Variants in HIRA observed in about 807,000 individuals in gnomAD.
HIRA encodes the protein protein HIRA.
Under a neutral mutation model 126.6 loss-of-function variants are expected in HIRA, and 13 were observed. The ratio of observed to expected loss-of-function variants is 0.10; its 90% CI spans 0.07 to 0.16. The LOEUF is 0.16. HIRA is among the 10% of genes least tolerant of loss of function. The probability of loss-of-function intolerance (pLI) is 1.00; values close to 1 mark genes in which losing one functional copy is unlikely to be tolerated. For missense variants in HIRA, 834 were observed against 1,314.4 expected, an observed-to-expected ratio of 0.63 and a Z score of 5.65; for synonymous variants, 511 against 520.0, an observed-to-expected ratio of 0.98 and a Z score of 0.24.
intron 15 of HIRA, among the ~76,000 whole-genome samples, 165 bp downstream of exon 15, chr22:19,375,466 C>T (rs547463892): frequency 1.3e-5 from 2 of 152,218 alleles, no homozygotes; most frequent in South Asian, 4.1e-4. Context: ...ACCTCTTTCT[C>T]CTGGTGGCTC....
intron 15 of HIRA, among the ~76,000 whole-genome samples, chr22:19,367,970 G>T (rs951417496): frequency 3.9e-5 from 6 of 152,154 alleles, no homozygotes; most frequent in Admixed American, 1.3e-4. Context: ...GAAGAAGTTG[G>T]TAAATGTTTC....
intron 21 of HIRA, among the ~76,000 whole-genome samples, chr22:19,354,427 G>T (rs2088790295): frequency 6.6e-6 from 1 of 152,248 alleles, no homozygotes; most frequent in Admixed American, 6.5e-5. Flanking sequence ...TCTGTGTGCA[G>T]TGTGCTCTGA....
intron 24 of HIRA, among the ~76,000 whole-genome samples, chr22:19,336,126 T>G (rs184427241): frequency 6.6e-5 from 10 of 152,186 alleles, no homozygotes; most frequent in Non-Finnish European, 1.5e-4. Context: ...ATTTGAAGTT[T>G]GTGAAGAACT....
chr22:19,382,700 T>C (rs1287247395), intron 13 of HIRA, among the ~76,000 whole-genome samples: 2 of 151,754 alleles, frequency 1.3e-5, no homozygotes, highest in African/African-American at 2.4e-5. Flanking sequence ...GGAATGAGAA[T>C]AAAACCCAGA....
chr22:19,414,276 T>G lies in HIRA; in HGVS notation c.38-3498A>C, dbSNP rs57359213. Among the ~76,000 whole-genome samples, 125 of 152,190 alleles carry G rather than the reference T, an allele frequency of 8.2e-4. 1 individual carries two copies. Among genetic ancestry groups the G allele is most frequent in the African/African-American group, 3.0e-3 (123 of 41,526 alleles). ...CACCTGGCAGGGAATAAAGAATACA[T>G]TAAGGAAGCTGGGATTATGACAGGG... On this transcript the variant is annotated intron_variant, in intron 1 of 24. Coordinates refer to ENST00000263208, the MANE Select transcript of HIRA (RefSeq NM_003325.4).
chr22:19,361,394 T>A (rs1422802691), intron 16 of HIRA, 53 bp from the exon 17 acceptor site: 2 of 1,502,436 alleles, frequency 1.3e-6, no homozygotes, highest in African/African-American at 2.8e-5. Context: ...CGGGGTAGCA[T>A]TTGGTAAAGG....
At chr22:19,359,190 G>T in intron 18 of HIRA, 146 bp downstream of exon 18, 1 of 777,150 alleles carries the variant, frequency 1.3e-6, no homozygotes, top group Non-Finnish European at 1.9e-6. Flanking sequence ...AAGCACATAT[G>T]CTTGGCCTGG....
Position 19,361,761 on chromosome 22 carries a change from T to A in HIRA, c.1946A>T (p.Asp649Val). 1 of 1,612,522 alleles carries A rather than the reference T, an allele frequency of 6.2e-7. No individual in the cohort carries two copies. The highest frequency in any genetic ancestry group is 8.5e-7 in the Non-Finnish European group (1 of 1,179,950). ...CAGAGACACAGGCATGAGACGAGAG[T>A]CCTTCCGAGGCCGCCCTTTCTTCTT... ...EKKKKGRPRK[D>V]SRLMPVSLSV... Residue 649 changes from aspartate to valine, a missense_variant, in exon 16 of 25, where the codon GAC (aspartate) becomes GTC (valine). By Grantham distance (152) the Asp-to-Val change is radical. This residue lies in a region of HIRA where 468 missense variants were observed against 574.2 expected (regional missense o/e 0.82). Coordinates refer to ENST00000263208, the MANE Select transcript of HIRA (RefSeq NM_003325.4).
Position 19,357,084 on chromosome 22 carries a change from G to A in HIRA, c.2235-33C>T, listed in dbSNP as rs2088819856. On this transcript the variant is annotated intron_variant, in intron 18 of 24. Transcript: ENST00000263208. ...GGCAGAGTGGGGGCAGGTGTCATGG[G>A]GGCTGAGTGCTGCAGCCAAGACAGT... The A allele has an allele frequency of 1.1e-5, 17 of 1,611,198 alleles. No individual in the cohort carries two copies. The East Asian group carries it at 2.7e-4, about 25-fold the overall frequency.
At position 19,372,325 on chromosome 22, in the gene HIRA, C is replaced by T. The variant is rs552101934; in HGVS notation, c.1775+3306G>A. On this transcript the variant is annotated intron_variant, in intron 15 of 24. Coordinates refer to ENST00000263208, the MANE Select transcript of HIRA (RefSeq NM_003325.4). ...TCATTGAAGTTTTGCTTTGTATTTC[C>T]CTGATGGCTAATGATGTTGATTGAA... 9.1e-4 allele frequency among the ~76,000 whole-genome samples: 138 copies of T among 152,244 alleles called. 1 individual carries two copies. The highest frequency in any genetic ancestry group is 1.5e-3 in the Non-Finnish European group (102 of 68,026).
chr22:19,353,628 C>T, intron 22 of HIRA, 109 bp from the exon 23 acceptor site: 2 of 1,112,774 alleles, frequency 1.8e-6, no homozygotes, highest in African/African-American at 1.6e-5. Context: ...GGCACCAGGG[C>T]TGCCAAGGCC....
intron 24 of HIRA, among the ~76,000 whole-genome samples, chr22:19,340,020 A>G (rs1678886661): frequency 6.6e-6 from 1 of 152,224 alleles, no homozygotes; most frequent in African/African-American, 2.4e-5. Context: ...AAATCACTCT[A>G]TGAAGCCAGT....
chr22:19,375,942 A>C (rs1279105959), intron 14 of HIRA, 150 bp from the exon 15 acceptor site: 7 of 848,622 alleles, frequency 8.2e-6, no homozygotes. Context: ...TACTACTCCC[A>C]TTTCTTTAAA....
At position 19,360,635 on chromosome 22, in the gene HIRA, T is replaced by C. The variant is rs2238764; in HGVS notation, c.2085+602A>G. ...GCACCTGAGCTGAGGTACAAGGGTA[T>C]GCAGAGAGGCAGCAGTGTGTGTGAC... On this transcript the variant is annotated intron_variant, in intron 17 of 24. Coordinates refer to ENST00000263208, the MANE Select transcript of HIRA (RefSeq NM_003325.4). 9.7e-3 allele frequency among the ~76,000 whole-genome samples: 1,476 copies of C among 152,244 alleles called. 64 individuals carry two copies. The highest frequency in any genetic ancestry group is 0.096 in the East Asian group (495 of 5,158).
intron 1 of HIRA, among the ~76,000 whole-genome samples, chr22:19,428,352 T>C (rs895171160): frequency 2.0e-5 from 3 of 152,198 alleles, no homozygotes; most frequent in Non-Finnish European, 4.4e-5. Flanking sequence ...AGAAGGTGTT[T>C]GTGAAGTGCT....
intron 8 of HIRA, among the ~76,000 whole-genome samples, chr22:19,393,418 C>T (rs147401799): frequency 0.012 from 1,792 of 152,108 alleles, 15 homozygotes; most frequent in Non-Finnish European, 0.019. Flanking sequence ...AGTACGGTGG[C>T]GCAATCTCAG....
chr22:19,346,771 T>C (rs1556009013), intron 24 of HIRA, among the ~76,000 whole-genome samples: 1 of 152,164 alleles, frequency 6.6e-6, no homozygotes, highest in African/African-American at 2.4e-5. Flanking sequence ...GGAAGCCACC[T>C]TGTAACCATG....
intron 1 of HIRA, among the ~76,000 whole-genome samples, chr22:19,427,082 A>G (rs1376654874): frequency 1.3e-5 from 2 of 152,214 alleles, no homozygotes; most frequent in Non-Finnish European, 2.9e-5. Context: ...ACTTATTCAG[A>G]GCGGGGTTTC....
intron 4 of HIRA, 74 bp from the exon 5 acceptor site, chr22:19,405,954 G>T: frequency 1.1e-6 from 1 of 931,128 alleles, no homozygotes; most frequent in Non-Finnish European, 1.5e-6. Flanking sequence ...CCTGCAGCCA[G>T]CTTATCAGGG....
Sources: allele counts gnomAD v4.1 joint callset (sites outside exome capture counted in the v4.1 genomes callset), GRCh38; gene constraint gnomAD v4.1.1; regional missense constraint gnomAD v4.1.1; transcripts MANE v1.5; gene names NCBI Gene and HGNC (gene_info 2026-07-23, HGNC 2026-07-21).